Variants in ZFYVE9 observed in about 807,000 individuals in gnomAD.
ZFYVE9 encodes zinc finger FYVE-type containing 9.
Under a neutral mutation model 126.7 loss-of-function variants are expected in ZFYVE9, and 43 were observed. The observed-to-expected ratio is 0.34, with a 90% CI of 0.27 to 0.44. ZFYVE9 has a LOEUF of 0.44. Among genes scored for constraint, ZFYVE9 ranks in the 20% least tolerant of loss-of-function variants. The pLI is 1.00. For synonymous variants in ZFYVE9, 521 were observed against 597.4 expected, an observed-to-expected ratio of 0.87 and a Z score of 1.87; for missense variants, 1,476 against 1,697.0, an observed-to-expected ratio of 0.87 and a Z score of 2.29.
At chr1:52,285,081 T>C (rs1255956719) in intron 10 of ZFYVE9, among the ~76,000 whole-genome samples, 1 of 152,180 alleles carries the variant, frequency 6.6e-6, no homozygotes, top group Non-Finnish European at 1.5e-5. Context: ...GAAGTGTTAA[T>C]GGCGTACCTA....
chr1:52,294,877 C>G (rs1645957886), intron 11 of ZFYVE9, among the ~76,000 whole-genome samples: 1 of 152,224 alleles, frequency 6.6e-6, no homozygotes, highest in African/African-American at 2.4e-5. Context: ...ATTTGCCTCT[C>G]CTAAGGAGGA....
At chr1:52,253,875 T>A in intron 4 of ZFYVE9, 1 of 1,203,482 alleles carries the variant, frequency 8.3e-7, no homozygotes, top group Non-Finnish European at 1.2e-6. Context: ...ACTACAAATC[T>A]GATGAAAGCT....
chr1:52,152,373 A>G (rs1644365741), intron 1 of ZFYVE9, among the ~76,000 whole-genome samples: 2 of 152,148 alleles, frequency 1.3e-5, no homozygotes, highest in African/African-American at 4.8e-5. Context: ...ATGTAGGTCA[A>G]CTTTTACCTG....
At chr1:52,297,254 T>TA (rs1044553028) in intron 12 of ZFYVE9, among the ~76,000 whole-genome samples, 2 of 151,558 alleles carry the variant, frequency 1.3e-5, no homozygotes, top group African/African-American at 4.9e-5. Flanking sequence ...TTTTTTTTTT[T>TA]TTTTTGGAGA....
chr1:52,181,745 G>A (rs1042127186), intron 1 of ZFYVE9, among the ~76,000 whole-genome samples: 1 of 151,884 alleles, frequency 6.6e-6, no homozygotes, highest in African/African-American at 2.4e-5. Flanking sequence ...GCCCCGTCTG[G>A]GATGTGAGGA....
chr1:52,221,478 T>C (rs945946784), intron 2 of ZFYVE9, among the ~76,000 whole-genome samples: 12 of 152,210 alleles, frequency 7.9e-5, no homozygotes, highest in African/African-American at 2.9e-4. Flanking sequence ...CTTCATATTT[T>C]AAAATTCTTG....
intron 1 of ZFYVE9, among the ~76,000 whole-genome samples, chr1:52,172,213 A>C (rs1452887060): frequency 6.6e-6 from 1 of 152,182 alleles, no homozygotes; most frequent in Non-Finnish European, 1.5e-5. Flanking sequence ...TCAGCTTTCT[A>C]CATATGGCTA....
intron 1 of ZFYVE9, among the ~76,000 whole-genome samples, chr1:52,215,880 A>G (rs577744437): frequency 6.6e-6 from 1 of 152,344 alleles, no homozygotes; most frequent in South Asian, 2.1e-4. Context: ...ACTGGAATCA[A>G]GAGACTCCAT....
At chr1:52,169,097 T>C (rs1458664628) in intron 1 of ZFYVE9, among the ~76,000 whole-genome samples, 1 of 152,172 alleles carries the variant, frequency 6.6e-6, no homozygotes, top group Non-Finnish European at 1.5e-5. Flanking sequence ...TCTGGCTGCC[T>C]AATTTAAAAT....
chr1:52,235,959 G>A (rs1050048069), intron 3 of ZFYVE9, among the ~76,000 whole-genome samples: 10 of 152,036 alleles, frequency 6.6e-5, no homozygotes, highest in East Asian at 3.9e-4. Flanking sequence ...ACTGTATGCC[G>A]GAGAACCTTA....
chr1:52,237,587 A>G lies in ZFYVE9; in HGVS notation c.170A>G (p.Asn57Ser). ...TTTAACCCTACTTTGGCCAGTGTGA[A>G]TGAATCTGCAGTTTCTAATGAGTCA... ...LSFNPTLASVNESAVSNESQP... is the reference protein window; with the variant it reads ...LSFNPTLASVSESAVSNESQP... The change falls in exon 4 of 19, where the codon AAT becomes AGT. Residue 57 changes from asparagine to serine, a missense_variant. Physicochemically the swap from Asn to Ser is conservative, Grantham distance 46. This residue lies in a region of ZFYVE9 where 807 missense variants were observed against 794.6 expected (regional missense o/e 1.02). Coordinates refer to ENST00000287727, the MANE Select transcript of ZFYVE9 (RefSeq NM_004799.4). The G allele has an allele frequency of 6.2e-7, 1 of 1,614,036 alleles. No homozygotes were observed. The highest frequency in any genetic ancestry group is 8.5e-7 in the Non-Finnish European group (1 of 1,179,928).
At position 52,332,815 on chromosome 1, in the gene ZFYVE9, T is replaced by TGC. The variant is rs1213511469; in HGVS notation, c.3487_3488dup (p.Cys1164ProfsTer35). 1 of 1,614,074 alleles carries TGC rather than the reference T, an allele frequency of 6.2e-7. No homozygotes were observed. The highest frequency in any genetic ancestry group is 8.5e-7 in the Non-Finnish European group (1 of 1,180,018). On this transcript the variant is annotated frameshift_variant, in exon 14 of 19. Transcript: ENST00000287727. LOFTEE classifies it high-confidence loss of function. ...CCAATGAGCATGTCCTGGCAGGAGG[T>TGC]GCCTGCTTCAATGAAAAGGCAGACT...
At chr1:52,301,531 T>C (rs1347826378) in intron 12 of ZFYVE9, among the ~76,000 whole-genome samples, 1 of 152,060 alleles carries the variant, frequency 6.6e-6, no homozygotes, top group African/African-American at 2.4e-5. Context: ...CTCCAACTCC[T>C]GGGCTCAAGC....
chr1:52,312,303 A>G (rs966258591), intron 13 of ZFYVE9, among the ~76,000 whole-genome samples: 1 of 152,176 alleles, frequency 6.6e-6, no homozygotes. Context: ...GGAAAAGAAG[A>G]CTATAAAGGA....
At chr1:52,313,984 G>A (rs534198590) in intron 13 of ZFYVE9, among the ~76,000 whole-genome samples, 46 of 152,298 alleles carry the variant, frequency 3.0e-4, no homozygotes, top group African/African-American at 1.1e-3. Flanking sequence ...TGGAATGTCA[G>A]GCAGCCAAAT....
chr1:52,248,822 A>AT (rs1645415921), intron 4 of ZFYVE9, among the ~76,000 whole-genome samples: 1 of 152,092 alleles, frequency 6.6e-6, no homozygotes, highest in Non-Finnish European at 1.5e-5. Flanking sequence ...CCTGTGTTTG[A>AT]TTTTTTGATT....
At chr1:52,256,708 A>G (rs1203494739) in intron 4 of ZFYVE9, among the ~76,000 whole-genome samples, 1 of 135,848 alleles carries the variant, frequency 7.4e-6, no homozygotes, top group African/African-American at 2.8e-5. Context: ...TATTAATAAC[A>G]GTGAAGTTTA....
intron 2 of ZFYVE9, among the ~76,000 whole-genome samples, chr1:52,218,100 GCTGT>G (rs1450260531): frequency 6.6e-6 from 1 of 152,160 alleles, no homozygotes; most frequent in Admixed American, 6.5e-5. Context: ...GGACCCTGAT[GCTGT>G]CTATGTAAAC....
At chr1:52,322,107 T>G (rs111531478) in intron 13 of ZFYVE9, among the ~76,000 whole-genome samples, 7 of 152,362 alleles carry the variant, frequency 4.6e-5, no homozygotes, top group African/African-American at 1.7e-4. Flanking sequence ...CTTCTCCATC[T>G]AAATTAATGA....
Sources: allele counts gnomAD v4.1 joint callset (sites outside exome capture counted in the v4.1 genomes callset), GRCh38; gene constraint gnomAD v4.1.1; regional missense constraint gnomAD v4.1.1; transcripts MANE v1.5; gene names NCBI Gene and HGNC (gene_info 2026-07-23, HGNC 2026-07-21).